Variants in GRIN2A observed in about 807,000 individuals in gnomAD.
GRIN2A encodes the protein glutamate ionotropic receptor NMDA type subunit 2A, also known as glutamate receptor ionotropic, NMDA 2A.
GRIN2A carries 22 observed loss-of-function variants against 113.4 expected under a neutral mutation model. That is an observed-to-expected ratio of 0.19 (90% CI 0.14 to 0.28). GRIN2A has a LOEUF of 0.28. Among genes scored for constraint, GRIN2A ranks in the 10% least tolerant of loss-of-function variants. GRIN2A has a pLI of 1.00. For synonymous variants in GRIN2A, 827 were observed against 738.4 expected, an observed-to-expected ratio of 1.12 and a Z score of -1.94; for missense variants, 1,502 against 1,887.0, an observed-to-expected ratio of 0.80 and a Z score of 3.78.
At chr16:9,796,483 T>C (rs1157449561) in intron 11 of GRIN2A, among the ~76,000 whole-genome samples, 2 of 152,204 alleles carry the variant, frequency 1.3e-5, no homozygotes, top group African/African-American at 2.4e-5. Context: ...CTTCAAGACC[T>C]ATCTCATGAA....
intron 2 of GRIN2A, among the ~76,000 whole-genome samples, chr16:9,990,079 C>T (rs1428110079): frequency 6.6e-6 from 1 of 152,170 alleles, no homozygotes; most frequent in African/African-American, 2.4e-5. Flanking sequence ...ATCCCCTGCA[C>T]TCATATGTTT....
intron 2 of GRIN2A, among the ~76,000 whole-genome samples, chr16:10,177,006 C>A (rs1380878420): frequency 6.6e-6 from 1 of 152,104 alleles, no homozygotes. Flanking sequence ...TTTACCAAAT[C>A]AACATCATTT....
intron 2 of GRIN2A, among the ~76,000 whole-genome samples, chr16:10,095,924 A>G (rs2048281726): frequency 6.6e-6 from 1 of 152,328 alleles, no homozygotes; most frequent in Non-Finnish European, 1.5e-5. Flanking sequence ...GTGAATCTGA[A>G]TAAAGAGAAT....
In GRIN2A at chr16:9,966,611, C is replaced by T. The variant is rs112312965; in HGVS notation, c.415-28060G>A. ...ACATGCCCGTGTCCTTATAATAGAA[C>T]GATCTATATTCCTTTCGGTATATAC... On this transcript the variant is annotated intron_variant, in intron 2 of 12. Transcript: ENST00000330684. Among the ~76,000 whole-genome samples the T allele has an allele frequency of 7.2e-3, 1,103 of 152,228 alleles. 5 individuals are homozygous for T. Among genetic ancestry groups the T allele is most frequent in the Non-Finnish European group, 0.012 (828 of 68,006 alleles).
intron 3 of GRIN2A, among the ~76,000 whole-genome samples, chr16:9,934,678 T>TAAAA (rs33916243): frequency 0.07 from 3,556 of 50,638 alleles, 482 homozygotes; most frequent in Non-Finnish European, 0.081. Context: ...AGACTCTGTC[T>TAAAA]AAAAAAAAAA....
At chr16:10,063,173 T>G (rs1189515380) in intron 2 of GRIN2A, among the ~76,000 whole-genome samples, 1 of 152,094 alleles carries the variant, frequency 6.6e-6, no homozygotes, top group East Asian at 1.9e-4. Flanking sequence ...AGCTAAACAC[T>G]GGGTATACAT....
Position 9,834,301 on chromosome 16 carries a change from G to A in GRIN2A, c.1652-71C>T. On this transcript the variant is annotated intron_variant, in intron 7 of 12. Coordinates refer to ENST00000330684, the MANE Select transcript of GRIN2A (RefSeq NM_001134407.3). ...TTCCTCACTTCCAGCAGGAAGCCCA[G>A]ACATCCATTTGCAGGCTCGCCAAAA... 11 of 1,493,264 alleles carry A rather than the reference G, an allele frequency of 7.4e-6. No individual in the cohort carries two copies. In the South Asian group the frequency reaches 1.2e-4, roughly 17 times the overall value. 92.5% of individuals were successfully genotyped at this position (1,493,264 alleles called of 1,614,324 possible). A position where few individuals can be genotyped will look rare whatever the true frequency, so the allele number is the denominator to read the frequency against.
chr16:9,975,838 C>T (rs2045764175), intron 2 of GRIN2A, among the ~76,000 whole-genome samples: 1 of 152,182 alleles, frequency 6.6e-6, no homozygotes, highest in African/African-American at 2.4e-5. Context: ...ATACAACACA[C>T]AACCAGAAAA....
At chr16:9,851,611 T>G (rs1267268308) in intron 4 of GRIN2A, among the ~76,000 whole-genome samples, 1 of 152,216 alleles carries the variant, frequency 6.6e-6, no homozygotes, top group South Asian at 2.1e-4. Flanking sequence ...CCCTTTTCTT[T>G]CCATTTGCCT....
At chr16:10,095,068 T>C (rs1445283949) in intron 2 of GRIN2A, among the ~76,000 whole-genome samples, 1 of 151,952 alleles carries the variant, frequency 6.6e-6, no homozygotes, top group East Asian at 1.9e-4. Context: ...AACTTGTAAG[T>C]AGAGGAAGAA....
intron 7 of GRIN2A, among the ~76,000 whole-genome samples, chr16:9,834,869 C>A (rs2042560884): frequency 6.6e-6 from 1 of 152,026 alleles, no homozygotes. Context: ...AATAAACAGG[C>A]CATAGTTTCC....
At chr16:10,112,043 C>A (rs1021904422) in intron 2 of GRIN2A, 39 of 627,168 alleles carry the variant, frequency 6.2e-5, no homozygotes, top group Admixed American at 1.8e-4. Context: ...TGGCCATCGT[C>A]TCCCACACCA....
chr16:9,924,973 C>G (rs2044429146), intron 3 of GRIN2A, among the ~76,000 whole-genome samples: 1 of 152,154 alleles, frequency 6.6e-6, no homozygotes, highest in Admixed American at 6.6e-5. Flanking sequence ...TTCCAACATT[C>G]ATTTAAATCT....
intron 2 of GRIN2A, among the ~76,000 whole-genome samples, chr16:10,101,105 G>A (rs917878664): frequency 3.9e-5 from 6 of 152,300 alleles, no homozygotes; most frequent in South Asian, 4.1e-4. Context: ...CATGGGGCCC[G>A]GCAACTTCTG....
intron 2 of GRIN2A, among the ~76,000 whole-genome samples, chr16:10,088,276 C>T (rs1332969960): frequency 6.6e-6 from 1 of 152,210 alleles, no homozygotes; most frequent in Non-Finnish European, 1.5e-5. Context: ...CCTGGAAATA[C>T]TGCCAACATA....
At chr16:10,143,897 T>C (rs1005063365) in intron 2 of GRIN2A, among the ~76,000 whole-genome samples, 1 of 152,038 alleles carries the variant, frequency 6.6e-6, no homozygotes, top group South Asian at 2.1e-4. Context: ...GCTCAGGAGA[T>C]GGAGGTTACA....
At chr16:9,980,511 C>A (rs1342855650) in intron 2 of GRIN2A, among the ~76,000 whole-genome samples, 1 of 152,144 alleles carries the variant, frequency 6.6e-6, no homozygotes, top group Non-Finnish European at 1.5e-5. Context: ...GATTATAAAT[C>A]ATGCTGCTAT....
intron 4 of GRIN2A, among the ~76,000 whole-genome samples, chr16:9,882,607 C>T (rs2043503283): frequency 6.6e-6 from 1 of 152,028 alleles, no homozygotes; most frequent in African/African-American, 2.4e-5. Context: ...GGCAGCATAT[C>T]GAGAACTTGT....
At chr16:10,010,325 A>G (rs1414507413) in intron 2 of GRIN2A, among the ~76,000 whole-genome samples, 1 of 152,206 alleles carries the variant, frequency 6.6e-6, no homozygotes, top group Non-Finnish European at 1.5e-5. Context: ...CAGAGTTTTC[A>G]AGAGAACCTT....
Sources: allele counts gnomAD v4.1 joint callset (sites outside exome capture counted in the v4.1 genomes callset), GRCh38; gene constraint gnomAD v4.1.1; transcripts MANE v1.5; gene names NCBI Gene and HGNC (gene_info 2026-07-23, HGNC 2026-07-21).